TRRAP: variants seen among roughly 807,000 people sequenced by gnomAD.
TRRAP encodes the protein transformation/transcription domain-associated protein.
A neutral mutation model predicts 438.8 loss-of-function variants in TRRAP; 41 were observed. The ratio of observed to expected loss-of-function variants is 0.09; its 90% CI spans 0.07 to 0.12. The LOEUF is 0.12. Among genes scored for constraint, TRRAP ranks in the 10% least tolerant of loss-of-function variants. TRRAP has a pLI of 1.00. For missense variants in TRRAP, 3,122 were observed against 5,055.1 expected, an observed-to-expected ratio of 0.62 and a Z score of 11.60; for synonymous variants, 1,994 against 1,962.9, an observed-to-expected ratio of 1.02 and a Z score of -0.42.
chr7:99,008,648 A>G, intron 70 of TRRAP, 87 bp downstream of exon 70: 1 of 1,425,798 alleles, frequency 7.0e-7, no homozygotes, highest in East Asian at 2.4e-5. Context: ...TGTTTAGGAG[A>G]TGAACAGGCA....
chr7:98,946,240 A>G (rs538396005), intron 33 of TRRAP, among the ~76,000 whole-genome samples: 4 of 151,584 alleles, frequency 2.6e-5, no homozygotes, highest in East Asian at 1.9e-4. Flanking sequence ...CGTAACCTCT[A>G]TCTGAATACA....
chr7:99,008,382 C>T lies in TRRAP; in HGVS notation c.10759C>T (p.Arg3587Trp), dbSNP rs773769320. The T allele has an allele frequency of 2.5e-6, 4 of 1,613,806 alleles. No individual in the cohort carries two copies. The highest frequency in any genetic ancestry group is 1.3e-5 in the African/African-American group (1 of 74,948). ...TTCTCTTCCTCTCTCCCCAGTGCCCCGGGTTGTGGCAGTTTCCCCACAGAT... is the reference window on the plus strand; with the variant it reads ...TTCTCTTCCTCTCTCCCCAGTGCCCTGGGTTGTGGCAGTTTCCCCACAGAT... ...TKRHLFFTVP[R>W]VVAVSPQMRL... The change falls in exon 70 of 73, where the codon CGG becomes TGG. Residue 3587 changes from arginine to tryptophan, a missense_variant. Transcript: ENST00000456197.
intron 3 of TRRAP, among the ~76,000 whole-genome samples, chr7:98,885,684 A>G (rs1311540978): frequency 2.0e-5 from 3 of 151,920 alleles, no homozygotes; most frequent in East Asian, 3.9e-4. Context: ...ATATATATAT[A>G]TGAAGAGGTG....
At chr7:98,991,636 A>G (rs1793437901) in intron 64 of TRRAP, among the ~76,000 whole-genome samples, 1 of 152,262 alleles carries the variant, frequency 6.6e-6, no homozygotes, top group Non-Finnish European at 1.5e-5. Flanking sequence ...TGTCAGCCAC[A>G]GAACTCCAGT....
rs542897192 is a variant in TRRAP, at chr7:98,994,869, C to T, written c.10309+21C>T. The stretch of plus-strand genomic sequence containing the variant: ...GACGGGTGAGTCTCCATTTTCCTTC[C>T]CTTCCATAGGGAGAATTGTGCACGC... On this transcript the variant is annotated intron_variant, in intron 67 of 72. Transcript: ENST00000456197. This position sits in a 1 kb window ranked among gnomAD's most constrained non-coding sequence, Gnocchi z 4.8. The T allele has an allele frequency of 2.5e-6, 4 of 1,605,288 alleles. No individual in the cohort carries two copies. The East Asian group carries it at 6.7e-5, about 27-fold the overall frequency.
At chr7:98,902,453 T>C (rs748738750) in intron 11 of TRRAP, among the ~76,000 whole-genome samples, 3 of 152,236 alleles carry the variant, frequency 2.0e-5, no homozygotes, top group Non-Finnish European at 4.4e-5. Context: ...TTATGCTTTT[T>C]GTATGGCTTT....
At chr7:98,933,606 G>A (rs143502265) in intron 27 of TRRAP, among the ~76,000 whole-genome samples, 11 of 152,332 alleles carry the variant, frequency 7.2e-5, no homozygotes, top group Non-Finnish European at 1.2e-4. Context: ...CAGCAGAGAC[G>A]CTGATGTCTT....
At chr7:98,983,160 A>G in intron 59 of TRRAP, 104 bp from the exon 60 acceptor site, 1 of 1,113,336 alleles carries the variant, frequency 9.0e-7, no homozygotes, top group South Asian at 1.7e-5. Context: ...TAATTGCATC[A>G]TAAGATCTTT....
At chr7:98,949,892 C>T (rs898473638) in intron 37 of TRRAP, 51 bp downstream of exon 37, 7 of 1,586,338 alleles carry the variant, frequency 4.4e-6, no homozygotes, top group Non-Finnish European at 6.0e-6. Flanking sequence ...GTCCCAAAAG[C>T]TCAGCCAGAG....
Position 98,930,565 on chromosome 7 carries a change from C to T in TRRAP, c.3394-68C>T, listed in dbSNP as rs557139545. 3.3e-5 allele frequency: 52 copies of T among 1,588,852 alleles called. No homozygotes were observed. In the South Asian group the frequency reaches 4.2e-4, roughly 13 times the overall value. ...TGCACTCCGGCCTGGGCAATAAGAG[C>T]GAAACTCTGTCTCAAAAAAAACAAG... On this transcript the variant is annotated intron_variant, in intron 24 of 72. Coordinates refer to ENST00000456197, the MANE Select transcript of TRRAP (RefSeq NM_001375524.1).
At chr7:98,983,178 TC>T in intron 59 of TRRAP, 85 bp from the exon 60 acceptor site, 1 of 1,269,084 alleles carries the variant, frequency 7.9e-7, no homozygotes, top group Non-Finnish European at 1.1e-6. Flanking sequence ...TTTGCGATAA[TC>T]ATGTCCCCAA....
intron 20 of TRRAP, among the ~76,000 whole-genome samples, chr7:98,921,044 T>C (rs1168184993): frequency 1.3e-5 from 2 of 152,082 alleles, no homozygotes; most frequent in African/African-American, 4.8e-5. Context: ...TCCATGTTGG[T>C]CAGGCTGGTC....
In TRRAP at chr7:98,908,969, G is replaced by T. The variant is rs1554408048; in HGVS notation, c.1350+7G>T. On this transcript the variant is annotated splice_region_variant and intron_variant, in intron 14 of 72. Transcript: ENST00000456197. This position sits in a 1 kb window ranked among gnomAD's most constrained non-coding sequence, Gnocchi z 4.1. ...CCTGATGCGGATGCTGGAGGTACCA[G>T]CTCTTCTGAGAGTATCATCCATCCT... The T allele has an allele frequency of 6.2e-7, 1 of 1,610,108 alleles. No individual in the cohort carries two copies. The highest frequency in any genetic ancestry group is 1.7e-5 in the Admixed American group (1 of 59,592).
intron 47 of TRRAP, among the ~76,000 whole-genome samples, chr7:98,963,780 T>C (rs1206275835): frequency 6.6e-6 from 1 of 152,142 alleles, no homozygotes; most frequent in Non-Finnish European, 1.5e-5. Context: ...TGAATACAGA[T>C]TTAAAATTTA....
intron 23 of TRRAP, among the ~76,000 whole-genome samples, chr7:98,928,554 C>T (rs1344966818): frequency 6.6e-6 from 1 of 152,190 alleles, no homozygotes; most frequent in Non-Finnish European, 1.5e-5. Context: ...TTCTCAGTAA[C>T]TTCCACCTTG....
intron 59 of TRRAP, 49 bp downstream of exon 59, chr7:98,982,009 C>T (rs756205348): frequency 6.9e-7 from 1 of 1,459,804 alleles, no homozygotes; most frequent in Non-Finnish European, 9.0e-7. Context: ...CTGTCGCAGC[C>T]AAGCGCCGGT....
Position 98,881,144 on chromosome 7 carries a change from A to G in TRRAP, c.-7A>G. The G allele has an allele frequency of 1.9e-6, 3 of 1,601,890 alleles. No homozygotes were observed. In the East Asian group the frequency reaches 6.8e-5, roughly 36 times the overall value. On this transcript the variant is annotated 5_prime_UTR_variant, in exon 2 of 73. Transcript: ENST00000456197. Reference sequence around the variant, plus strand: ...TCTCTTGAGAAGCAAACCAGCCCAAAAGAAAAATGGCGTTTGTTGCAACAC... The same window carrying G: ...TCTCTTGAGAAGCAAACCAGCCCAAGAGAAAAATGGCGTTTGTTGCAACAC...
intron 62 of TRRAP, among the ~76,000 whole-genome samples, chr7:98,985,651 C>T (rs1461494663): frequency 6.6e-6 from 1 of 152,226 alleles, no homozygotes; most frequent in African/African-American, 2.4e-5. Context: ...GGTAGACTCA[C>T]AAGATGCTGC....
At chr7:98,883,210 C>T (rs1554403432) in intron 3 of TRRAP, among the ~76,000 whole-genome samples, 2 of 152,140 alleles carry the variant, frequency 1.3e-5, no homozygotes, top group African/African-American at 4.8e-5. Flanking sequence ...AATTTCTGAT[C>T]TTCTGAGAAT....
Sources: gnomAD v4.1 joint callset for allele counts (sites outside exome capture counted in the v4.1 genomes callset) on GRCh38, gnomAD v4.1.1 for gene constraint, Gnocchi (gnomAD v3.1) non-coding constraint, MANE v1.5 for transcripts, NCBI Gene and HGNC (gene_info 2026-07-23, HGNC 2026-07-21) for gene names.